COL23A1: variants seen among roughly 807,000 people sequenced by gnomAD.
The protein encoded by COL23A1 is collagen type XXIII alpha 1 chain.
In COL23A1, 97 loss-of-function variants were observed where a neutral mutation model predicts 99.3. The observed-to-expected ratio is 0.98, with a 90% CI of 0.83 to 1.16. COL23A1 has a LOEUF of 1.16. COL23A1 is among the 50% of genes most tolerant of loss of function. The pLI is 0.00. For synonymous variants in COL23A1, 320 were observed against 308.2 expected, an observed-to-expected ratio of 1.04 and a Z score of -0.40; for missense variants, 762 against 757.4, an observed-to-expected ratio of 1.01 and a Z score of -0.07.
At chr5:178,388,336 T>TA (rs1355681917) in intron 2 of COL23A1, among the ~76,000 whole-genome samples, 1 of 152,196 alleles carries the variant, frequency 6.6e-6, no homozygotes, top group African/African-American at 2.4e-5. Flanking sequence ...GATTTAATCT[T>TA]ACGTTCCCTC....
At chr5:178,481,430 T>C (rs1215032563) in intron 2 of COL23A1, among the ~76,000 whole-genome samples, 10 of 152,102 alleles carry the variant, frequency 6.6e-5, no homozygotes, top group South Asian at 4.2e-4. Context: ...TGAGAGAGTA[T>C]AAAGACAACC....
chr5:178,259,472 G>A (rs1189795789), intron 12 of COL23A1, among the ~76,000 whole-genome samples: 2 of 152,158 alleles, frequency 1.3e-5, no homozygotes, highest in East Asian at 1.9e-4. Flanking sequence ...TCATGTGTTC[G>A]AGGAAGGGAA....
intron 5 of COL23A1, among the ~76,000 whole-genome samples, chr5:178,276,387 G>A (rs1756586704): frequency 6.6e-6 from 1 of 152,334 alleles, no homozygotes; most frequent in South Asian, 2.1e-4. Context: ...GTGAGGGAAC[G>A]GAGCCCTCAA....
chr5:178,435,614 T>C (rs142629765), intron 2 of COL23A1, among the ~76,000 whole-genome samples: 2 of 152,270 alleles, frequency 1.3e-5, no homozygotes, highest in Middle Eastern at 3.4e-3. Context: ...AACTACAGGA[T>C]GCATCTCGTG....
chr5:178,242,300 C>T lies in COL23A1; in HGVS notation c.1494+41G>A, dbSNP rs200476607. The T allele has an allele frequency of 2.7e-5, 44 of 1,602,088 alleles. No homozygotes were observed. In the African/African-American group the frequency reaches 5.1e-4, roughly 19 times the overall value. On this transcript the variant is annotated intron_variant, in intron 26 of 28. Transcript: ENST00000390654. Reference sequence around the variant, plus strand: ...GCCTCCACTCCCACCTGCCTCCTTCCCCCTCTCCTCCTGCCCCAGCTCCCG... The same window carrying T: ...GCCTCCACTCCCACCTGCCTCCTTCTCCCTCTCCTCCTGCCCCAGCTCCCG...
intron 2 of COL23A1, among the ~76,000 whole-genome samples, chr5:178,445,989 A>C (rs1767138546): frequency 6.6e-6 from 1 of 152,154 alleles, no homozygotes; most frequent in African/African-American, 2.4e-5. Context: ...ACAAATAATT[A>C]GCAAAATAAC....
At chr5:178,297,847 G>A (rs1284979290) in intron 3 of COL23A1, among the ~76,000 whole-genome samples, 2 of 152,144 alleles carry the variant, frequency 1.3e-5, no homozygotes, top group Non-Finnish European at 2.9e-5. Flanking sequence ...TCACATCTTC[G>A]GAGCCCTCTG....
Position 178,529,198 on chromosome 5 carries a change from C to T in COL23A1, c.361+31484G>A, listed in dbSNP as rs117705739. Among the ~76,000 whole-genome samples the T allele has an allele frequency of 1.8e-3, 277 of 152,356 alleles. 3 individuals carry two copies. The highest frequency in any genetic ancestry group is 0.013 in the Admixed American group (204 of 15,310). Reference sequence around the variant, plus strand: ...GACAGTCTAGCCCTGGGCTTCTTTACGTCTGGGTGGCTGGATTCCGTGAGG... The same window carrying T: ...GACAGTCTAGCCCTGGGCTTCTTTATGTCTGGGTGGCTGGATTCCGTGAGG... On this transcript the variant is annotated intron_variant, in intron 2 of 28. Transcript: ENST00000390654.
At position 178,418,398 on chromosome 5, in the gene COL23A1, C is replaced by G. The variant is rs376905615; in HGVS notation, c.362-111479G>C. 5.3e-5 allele frequency among the ~76,000 whole-genome samples: 8 copies of G among 152,348 alleles called. No homozygotes were observed. The East Asian group carries it at 7.7e-4, about 15-fold the overall frequency. On this transcript the variant is annotated intron_variant, in intron 2 of 28. Coordinates refer to ENST00000390654, the MANE Select transcript of COL23A1 (RefSeq NM_173465.4). ...TCCTCCATGCAGTGGAGTCCTTCCC[C>G]TACGTTCCAGCTTTCCTGGAGAGAT...
At position 178,280,353 on chromosome 5, in the gene COL23A1, C is replaced by A. The variant is rs1334683728; in HGVS notation, c.441+7971G>T. Among the ~76,000 whole-genome samples the A allele has an allele frequency of 1.3e-5, 2 of 152,136 alleles. No individual in the cohort carries two copies. The highest frequency in any genetic ancestry group is 2.9e-5 in the Non-Finnish European group (2 of 68,036). Reference sequence around the variant, plus strand: ...ACGGTCCCTGAACCCAGTCCGTGTGCCCAACTCTGAAGCTCTCCTGCGTCA... The same window carrying A: ...ACGGTCCCTGAACCCAGTCCGTGTGACCAACTCTGAAGCTCTCCTGCGTCA... On this transcript the variant is annotated intron_variant, in intron 5 of 28. Transcript: ENST00000390654. The surrounding 1 kb of genome is among the most constrained non-coding windows in gnomAD (Gnocchi z 4.9).
At chr5:178,549,388 T>C (rs1212463795) in intron 2 of COL23A1, among the ~76,000 whole-genome samples, 3 of 152,046 alleles carry the variant, frequency 2.0e-5, no homozygotes. Flanking sequence ...TATATTGCCA[T>C]GGTACACATA....
intron 5 of COL23A1, among the ~76,000 whole-genome samples, chr5:178,278,599 G>A (rs965292467): frequency 2.6e-5 from 4 of 152,106 alleles, no homozygotes; most frequent in Non-Finnish European, 4.4e-5. Flanking sequence ...CAGTGAGCCC[G>A]TGAGCCTGCA....
chr5:178,535,050 A>G (rs978238351), intron 2 of COL23A1, among the ~76,000 whole-genome samples: 3 of 144,894 alleles, frequency 2.1e-5, no homozygotes, highest in Non-Finnish European at 3.0e-5. Context: ...GGCTCACTGC[A>G]ACCTCTGCCT....
At chr5:178,371,461 G>C (rs909598712) in intron 2 of COL23A1, among the ~76,000 whole-genome samples, 1 of 152,174 alleles carries the variant, frequency 6.6e-6, no homozygotes, top group African/African-American at 2.4e-5. Flanking sequence ...CTTGGTTCCA[G>C]CTGAGACTCC....
At chr5:178,320,922 G>A (rs1194453979) in intron 2 of COL23A1, among the ~76,000 whole-genome samples, 1 of 152,334 alleles carries the variant, frequency 6.6e-6, no homozygotes, top group Middle Eastern at 3.4e-3. Context: ...CACTCCAGAG[G>A]TGGGGTGTGG....
chr5:178,286,750 C>A (rs1270117789), intron 5 of COL23A1, among the ~76,000 whole-genome samples: 2 of 152,218 alleles, frequency 1.3e-5, no homozygotes, highest in Non-Finnish European at 2.9e-5. Context: ...CTGGCACCTG[C>A]TCTGGTGTGG....
At chr5:178,355,783 T>C (rs1761614526) in intron 2 of COL23A1, among the ~76,000 whole-genome samples, 1 of 152,116 alleles carries the variant, frequency 6.6e-6, no homozygotes, top group African/African-American at 2.4e-5. Flanking sequence ...TTTGTATTTT[T>C]TTCTGAATTT....
chr5:178,358,057 G>A (rs1417981160), intron 2 of COL23A1, among the ~76,000 whole-genome samples: 3 of 107,240 alleles, frequency 2.8e-5, no homozygotes. Context: ...TATGTCTAAT[G>A]TATGTGTATT....
intron 2 of COL23A1, among the ~76,000 whole-genome samples, chr5:178,436,193 AG>A (rs981684292): frequency 2.0e-5 from 3 of 152,158 alleles, no homozygotes; most frequent in Non-Finnish European, 4.4e-5. Flanking sequence ...GTTGGGGGTG[AG>A]GTAGCCCAGA....
Sources: gnomAD v4.1 joint callset for allele counts (sites outside exome capture counted in the v4.1 genomes callset) on GRCh38, gnomAD v4.1.1 for gene constraint, Gnocchi (gnomAD v3.1) non-coding constraint, MANE v1.5 for transcripts, NCBI Gene and HGNC (gene_info 2026-07-23, HGNC 2026-07-21) for gene names.